CACNA1E: variants seen among roughly 807,000 people sequenced by gnomAD.
The protein encoded by CACNA1E is voltage-dependent R-type calcium channel subunit alpha-1E.
A neutral mutation model predicts 259.2 loss-of-function variants in CACNA1E; 40 were observed. The ratio of observed to expected loss-of-function variants is 0.15; its 90% CI spans 0.12 to 0.20. CACNA1E has a LOEUF of 0.20. Among genes scored for constraint, CACNA1E ranks in the 10% least tolerant of loss-of-function variants. The pLI, the probability that CACNA1E is intolerant of heterozygous loss-of-function variation, is 1.00. For synonymous variants in CACNA1E, 1,104 were observed against 1,138.5 expected, an observed-to-expected ratio of 0.97 and a Z score of 0.61; for missense variants, 1,874 against 3,040.1, an observed-to-expected ratio of 0.62 and a Z score of 9.02.
rs1313087095 is a variant in CACNA1E at position 181,776,303 on chromosome 1, T to C, written c.5267+75T>C. The C allele has an allele frequency of 1.3e-6, 2 of 1,499,640 alleles. No homozygotes were observed. The highest frequency in any genetic ancestry group is 2.3e-5 in the East Asian group (1 of 44,212). The allele number at this position is 1,499,640 out of a possible 1,614,324, so 92.9% of individuals were successfully genotyped here. On this transcript the variant is annotated intron_variant, in intron 38 of 47. Transcript: ENST00000367573. This position sits in a 1 kb window ranked among gnomAD's most constrained non-coding sequence, Gnocchi z 4.4. ...GGAGTTCCCAGGGAAGAGGCTGGAA[T>C]TGGAGCCACCCAAATGCCTGCCTGT...
At chr1:181,611,121 G>A (rs1654713784) in intron 6 of CACNA1E, among the ~76,000 whole-genome samples, 1 of 152,112 alleles carries the variant, frequency 6.6e-6, no homozygotes, top group Non-Finnish European at 1.5e-5. Context: ...CAAGGCCTTG[G>A]CAAAATTGTG....
intron 25 of CACNA1E, among the ~76,000 whole-genome samples, chr1:181,742,090 C>G (rs1656632367): frequency 6.6e-6 from 1 of 152,216 alleles, no homozygotes; most frequent in Non-Finnish European, 1.5e-5. Context: ...CCCACTCCCC[C>G]TCCTTTGGCC....
At chr1:181,375,833 G>A (rs1031332424) in intron 1 of CACNA1E, among the ~76,000 whole-genome samples, 9 of 151,960 alleles carry the variant, frequency 5.9e-5, no homozygotes, top group Non-Finnish European at 8.8e-5. Flanking sequence ...TTCTGGTTGC[G>A]TGTTCTAACA....
chr1:181,799,917 C>T lies in CACNA1E; in HGVS notation c.*1083C>T, dbSNP rs1662150519. ...TCAGCCCACACTCTGGTCCATGAGG[C>T]AGCAAGGCCAGTGCTGTGCCAAGCC... On this transcript the variant is annotated 3_prime_UTR_variant, in exon 48 of 48. Transcript: ENST00000367573. 1 of 152,468 alleles carries T rather than the reference C, an allele frequency of 6.6e-6. No homozygotes were observed. The highest frequency in any genetic ancestry group is 1.5e-5 in the Non-Finnish European group (1 of 68,220). The allele number at this position is 152,468 out of a possible 1,614,324, so 9.4% of individuals were successfully genotyped here.
chr1:181,733,415 C>G, intron 20 of CACNA1E, 22 bp from the exon 21 acceptor site: 2 of 1,490,124 alleles, frequency 1.3e-6, no homozygotes, highest in Non-Finnish European at 1.8e-6. Context: ...AGCACCAGCT[C>G]TCTCTTCCTC....
chr1:181,762,874 A>T (rs1478776038), intron 33 of CACNA1E, among the ~76,000 whole-genome samples: 1 of 152,192 alleles, frequency 6.6e-6, no homozygotes, highest in Non-Finnish European at 1.5e-5. Flanking sequence ...TGCCTGACTC[A>T]GGCAGCAGAC....
intron 7 of CACNA1E, among the ~76,000 whole-genome samples, chr1:181,661,513 T>A (rs968771414): frequency 6.6e-6 from 1 of 152,076 alleles, no homozygotes; most frequent in Non-Finnish European, 1.5e-5. Flanking sequence ...ATTGAGACTG[T>A]AGGTGGCTGG....
intron 3 of CACNA1E, among the ~76,000 whole-genome samples, chr1:181,551,618 G>A (rs1218574569): frequency 3.3e-5 from 5 of 152,112 alleles, no homozygotes; most frequent in African/African-American, 1.2e-4. Flanking sequence ...TGGGGGAAGG[G>A]GTGTGCGAAA....
Position 181,758,494 on chromosome 1 carries a change from T to C in CACNA1E, c.4495-264T>C, listed in dbSNP as rs1658286178. Among the ~76,000 whole-genome samples the C allele has an allele frequency of 6.6e-6, 1 of 152,192 alleles. No homozygotes were observed. Among genetic ancestry groups the C allele is most frequent in the Non-Finnish European group, 1.5e-5 (1 of 68,040 alleles). ...CTCCAGTAACTAACTCTAGAAAATG[T>C]TTCTTCCCTGCCCACCCTCATCTCT... On this transcript the variant is annotated intron_variant, in intron 31 of 47. Transcript: ENST00000367573. This position sits in a 1 kb window ranked among gnomAD's most constrained non-coding sequence, Gnocchi z 4.2.
chr1:181,661,029 G>GA (rs1477543611), intron 7 of CACNA1E, among the ~76,000 whole-genome samples: 1 of 152,150 alleles, frequency 6.6e-6, no homozygotes, highest in African/African-American at 2.4e-5. Flanking sequence ...AAGGGGCAAG[G>GA]ATCAGGTAAG....
At position 181,501,927 on chromosome 1, in the gene CACNA1E, A is replaced by G. The variant is rs1014033535; in HGVS notation, c.267-8550A>G. On this transcript the variant is annotated intron_variant, in intron 1 of 47. Transcript: ENST00000367573. Reference sequence around the variant, plus strand: ...TTTTGTTTTGTTTTAAAAAAAGAAAAGGGGTTTGGTTTTTTAGTCTTTTTT... The same window carrying G: ...TTTTGTTTTGTTTTAAAAAAAGAAAGGGGGTTTGGTTTTTTAGTCTTTTTT... Among the ~76,000 whole-genome samples, 3 of 152,156 alleles carry G rather than the reference A, an allele frequency of 2.0e-5. No individual in the cohort carries two copies. The East Asian group carries it at 5.8e-4, about 29-fold the overall frequency.
intron 3 of CACNA1E, among the ~76,000 whole-genome samples, chr1:181,577,309 A>T (rs1651072698): frequency 6.6e-6 from 1 of 152,230 alleles, no homozygotes; most frequent in South Asian, 2.1e-4. Context: ...GTCAAGGTAG[A>T]GATGAGTGAG....
intron 1 of CACNA1E, among the ~76,000 whole-genome samples, chr1:181,334,917 G>GC (rs1651577938): frequency 6.6e-6 from 1 of 152,114 alleles, no homozygotes; most frequent in Admixed American, 6.5e-5. Context: ...CTGAGAGCTG[G>GC]CCCACCGCTT....
rs374903430 is a variant in CACNA1E at position 181,798,534 on chromosome 1, G to A, written c.6642G>A (p.Pro2214=). 1.7e-5 allele frequency: 28 copies of A among 1,613,590 alleles called. No homozygotes were observed. Among genetic ancestry groups the A allele is most frequent in the Middle Eastern group, 1.6e-4 (1 of 6,084 alleles). Residue 2214 remains proline (P), a synonymous_variant, in exon 48 of 48, where the codon CCG becomes CCA. Transcript: ENST00000367573. The surrounding 1 kb of genome is among the most constrained non-coding windows in gnomAD (Gnocchi z 4.2). The part of the protein sequence containing the change: ...NACLTESSNS[P]HPQQSQHASP... ...GCCTGACCGAGTCTTCCAACTCTCC[G>A]CACCCCCAGCAGAGCCAACATGCCT...
chr1:181,771,161 T>A, intron 35 of CACNA1E, 132 bp from the exon 36 acceptor site: 1 of 609,368 alleles, frequency 1.6e-6, no homozygotes, highest in Non-Finnish European at 3.0e-6. Flanking sequence ...AGCAGCTCTC[T>A]GGGTCTGAGT....
intron 1 of CACNA1E, among the ~76,000 whole-genome samples, chr1:181,357,941 A>G (rs1653577819): frequency 6.6e-6 from 1 of 152,078 alleles, no homozygotes; most frequent in South Asian, 2.1e-4. Context: ...GAGAAAAGGG[A>G]GGATGGAGCC....
chr1:181,708,736 G>A (rs1653043698), intron 7 of CACNA1E, among the ~76,000 whole-genome samples: 1 of 152,218 alleles, frequency 6.6e-6, no homozygotes, highest in Non-Finnish European at 1.5e-5. Context: ...CCATCAAGTT[G>A]CATAACTTTT....
At chr1:181,648,539 T>A (rs1022598910) in intron 6 of CACNA1E, among the ~76,000 whole-genome samples, 1 of 152,238 alleles carries the variant, frequency 6.6e-6, no homozygotes. Flanking sequence ...ATAATGTTCT[T>A]TTTTTGTGGA....
intron 37 of CACNA1E, among the ~76,000 whole-genome samples, chr1:181,775,338 C>T (rs566044125): frequency 6.6e-6 from 1 of 152,292 alleles, no homozygotes; most frequent in East Asian, 1.9e-4. Context: ...GGAAACAGTG[C>T]TGTTGAACAT....
Sources: gnomAD v4.1 joint callset for allele counts (sites outside exome capture counted in the v4.1 genomes callset) on GRCh38, gnomAD v4.1.1 for gene constraint, Gnocchi (gnomAD v3.1) non-coding constraint, MANE v1.5 for transcripts, NCBI Gene and HGNC (gene_info 2026-07-23, HGNC 2026-07-21) for gene names.